The following RAD52 variants were observed in gnomAD, a reference collection of about 807,000 sequenced individuals.
The protein encoded by RAD52 is DNA repair protein RAD52 homolog.
Under a neutral mutation model 55.5 loss-of-function variants are expected in RAD52, and 47 were observed. The ratio of observed to expected loss-of-function variants is 0.85; its 90% CI spans 0.67 to 1.08. The LOEUF is 1.08. RAD52 is among the 50% of genes least tolerant of loss of function. The pLI is 0.00. For missense variants in RAD52, 468 were observed against 522.8 expected (o/e 0.90, Z 1.02); for synonymous variants, 184 against 198.9 (o/e 0.92, Z 0.63).
At position 918,181 on chromosome 12, in the gene RAD52, C is replaced by G. The variant is rs1413793340; in HGVS notation, c.544-1361G>C. On this transcript the variant is annotated intron_variant, in intron 7 of 11. Transcript: ENST00000358495. Reference sequence around the variant, plus strand: ...CTAACAGCATCTCTAATCGAAACAGCCACAAGCTACAAAAACCAAAATGTC... The same window carrying G: ...CTAACAGCATCTCTAATCGAAACAGGCACAAGCTACAAAAACCAAAATGTC... Among the ~76,000 whole-genome samples, 4 of 152,260 alleles carry G rather than the reference C, an allele frequency of 2.6e-5. No individual in the cohort carries two copies. The East Asian group carries it at 5.8e-4, about 22-fold the overall frequency.
At chr12:952,020 G>A (rs1246144989), upstream of RAD52, among the ~76,000 whole-genome samples, 1 of 152,170 alleles carries the variant, frequency 6.6e-6, no homozygotes, top group African/African-American at 2.4e-5. Flanking sequence ...CTATGGTGCA[G>A]TGGCACGGTC....
chr12:933,459 GA>G (rs35399875), intron 1 of RAD52, among the ~76,000 whole-genome samples: 144 of 139,666 alleles, frequency 1.0e-3, no homozygotes, highest in African/African-American at 1.3e-3. Context: ...TCCATTTCAG[GA>G]AAAAAAAAAA....
chr12:942,538 A>C (rs1957973711), intron 1 of RAD52, among the ~76,000 whole-genome samples: 1 of 152,156 alleles, frequency 6.6e-6, no homozygotes, highest in African/African-American at 2.4e-5. Flanking sequence ...CACAAGGTCA[A>C]GAGTTCAAGA....
rs543667306 is a variant in RAD52, at chr12:931,270, T to G, written c.136A>C (p.Arg46=). Reference sequence around the variant, plus strand: ...CTACTTATGTATTCTGGGCCCAGCCTCTGCCTCAGGGCCTTCTGGATGGCC... The same window carrying G: ...CTACTTATGTATTCTGGGCCCAGCCGCTGCCTCAGGGCCTTCTGGATGGCC... ...YQAIQKALRQ[R]LGPEYISSRM... Residue 46 remains arginine, a synonymous_variant, in exon 3 of 12, where the codon AGG becomes CGG. Coordinates refer to ENST00000358495, the MANE Select transcript of RAD52 (RefSeq NM_134424.4). The G allele has an allele frequency of 5.6e-6, 9 of 1,612,584 alleles. No homozygotes were observed. In the South Asian group the frequency reaches 8.8e-5, roughly 16 times the overall value.
At chr12:919,907 C>T (rs1286532011) in intron 7 of RAD52, among the ~76,000 whole-genome samples, 2 of 117,820 alleles carry the variant, frequency 1.7e-5, no homozygotes, top group African/African-American at 3.5e-5. Flanking sequence ...AAAAAATTAG[C>T]TGGGTGTGGT....
upstream of RAD52, among the ~76,000 whole-genome samples, chr12:952,038 G>A (rs900041502): frequency 1.9e-4 from 29 of 152,002 alleles, no homozygotes; most frequent in African/African-American, 6.8e-4. Context: ...GTCATAGCTC[G>A]CTATAACCTC....
chr12:974,427 C>G (rs1210022922), intron 1 of RAD52: 1 of 152,282 alleles, frequency 6.6e-6, no homozygotes, highest in Admixed American at 6.5e-5. Flanking sequence ...TTGTTCCCAG[C>G]TTTCTGCCTT....
intron 1 of RAD52, among the ~76,000 whole-genome samples, chr12:969,950 T>A (rs1432746065): frequency 1.3e-5 from 2 of 152,040 alleles, no homozygotes; most frequent in Non-Finnish European, 2.9e-5. Context: ...TCTGTTCTGT[T>A]GACAGACTTT....
chr12:934,545 T>C (rs1044710163), intron 1 of RAD52, among the ~76,000 whole-genome samples: 5 of 151,924 alleles, frequency 3.3e-5, no homozygotes, highest in African/African-American at 7.3e-5. Context: ...TCCCAAGATA[T>C]CTGATTATAT....
intron 1 of RAD52, among the ~76,000 whole-genome samples, chr12:958,568 C>T (rs894386488): frequency 7.9e-5 from 12 of 152,228 alleles, no homozygotes; most frequent in Non-Finnish European, 1.3e-4. Flanking sequence ...AGCCTCACCT[C>T]TCACTGGGAG....
intron 1 of RAD52, among the ~76,000 whole-genome samples, chr12:938,046 C>T (rs895575329): frequency 5.9e-5 from 9 of 152,120 alleles, no homozygotes; most frequent in African/African-American, 2.2e-4. Context: ...TTTCCTGTCT[C>T]CCTTCCCCGC....
intron 1 of RAD52, among the ~76,000 whole-genome samples, chr12:941,505 A>G (rs1394370146): frequency 6.6e-6 from 1 of 152,022 alleles, no homozygotes. Context: ...TTTCGTAGAG[A>G]CAGGGTTTCT....
chr12:914,072 C>G lies in RAD52; in HGVS notation c.1017G>C (p.Gly339=), dbSNP rs1399398497. Reference sequence around the variant, plus strand: ...TAGACGAGGGCTTGACCACACCATCCCCTGCATCGGGAGTCACAGCCCACT... The same window carrying G: ...TAGACGAGGGCTTGACCACACCATCGCCTGCATCGGGAGTCACAGCCCACT... ...SEKWAVTPDA[G]DGVVKPSSRA... Residue 339 remains glycine, a synonymous_variant, in exon 11 of 12, where the codon GGG becomes GGC. Coordinates refer to ENST00000358495, the MANE Select transcript of RAD52 (RefSeq NM_134424.4). The G allele has an allele frequency of 6.2e-7, 1 of 1,614,026 alleles. No individual in the cohort carries two copies. The highest frequency in any genetic ancestry group is 2.2e-5 in the East Asian group (1 of 44,882).
chr12:964,228 T>C (rs999318860), intron 1 of RAD52, among the ~76,000 whole-genome samples: 3 of 152,104 alleles, frequency 2.0e-5, no homozygotes, highest in Non-Finnish European at 4.4e-5. Context: ...AGGATTTTGC[T>C]GGCTGCTATG....
At chr12:969,732 G>A (rs906337940) in intron 1 of RAD52, among the ~76,000 whole-genome samples, 3 of 151,718 alleles carry the variant, frequency 2.0e-5, no homozygotes, top group African/African-American at 4.9e-5. Flanking sequence ...TGAGGCTACA[G>A]TGAGCTATGA....
chr12:960,621 C>T (rs1056689545), intron 1 of RAD52, among the ~76,000 whole-genome samples: 6 of 152,160 alleles, frequency 3.9e-5, no homozygotes, highest in Non-Finnish European at 8.8e-5. Context: ...TGCCACCACA[C>T]CCTATTTTTG....
At chr12:913,647 A>G (rs1031031275) in intron 11 of RAD52, among the ~76,000 whole-genome samples, 195 bp from the exon 12 acceptor site, 2 of 152,200 alleles carry the variant, frequency 1.3e-5, no homozygotes, top group African/African-American at 2.4e-5. Flanking sequence ...TGGGAGGGAC[A>G]GCTCTCCATG....
intron 1 of RAD52, among the ~76,000 whole-genome samples, chr12:959,376 G>A (rs138586004): frequency 1.3e-3 from 192 of 152,292 alleles, no homozygotes; most frequent in African/African-American, 4.0e-3. Context: ...AGTGAGCATT[G>A]TTCTAAGCAC....
chr12:927,310 G>A (rs749970994), intron 5 of RAD52, 47 bp from the exon 6 acceptor site: 11 of 1,347,122 alleles, frequency 8.2e-6, no homozygotes, highest in Middle Eastern at 1.8e-4. Flanking sequence ...AGCGGCAGGC[G>A]TGCCACAACT....
Sources: gnomAD v4.1 joint callset for allele counts (sites outside exome capture counted in the v4.1 genomes callset) on GRCh38, gnomAD v4.1.1 for gene constraint, MANE v1.5 for transcripts, NCBI Gene and HGNC (gene_info 2026-07-23, HGNC 2026-07-21) for gene names.